Variants in TENM2 observed in about 807,000 individuals in gnomAD.
TENM2 encodes teneurin-2.
TENM2 carries 52 observed loss-of-function variants against 245.2 expected under a neutral mutation model. The observed-to-expected ratio is 0.21, with a 90% CI of 0.17 to 0.27. The LOEUF (loss-of-function observed/expected upper bound fraction) is 0.27, where lower values mean the gene tolerates loss of function less well. TENM2 is among the 10% of genes least tolerant of loss of function. TENM2 has a pLI of 1.00. For synonymous variants in TENM2, 1,363 were observed against 1,438.9 expected (o/e 0.95, Z 1.19); for missense variants, 3,046 against 3,666.8 (o/e 0.83, Z 4.37).
At chr5:167,424,924 A>G (rs138523356) in intron 2 of TENM2, among the ~76,000 whole-genome samples, 9 of 152,300 alleles carry the variant, frequency 5.9e-5, no homozygotes, top group Middle Eastern at 3.4e-3. Flanking sequence ...AGCAAAAATC[A>G]TGCATCCATA....
At chr5:167,884,003 A>G (rs1774086466) in intron 3 of TENM2, among the ~76,000 whole-genome samples, 1 of 152,186 alleles carries the variant, frequency 6.6e-6, no homozygotes, top group Admixed American at 6.5e-5. Context: ...TCCATACTAC[A>G]TGCTTTCAAA....
chr5:167,789,982 C>T (rs1583016492), intron 2 of TENM2, among the ~76,000 whole-genome samples: 1 of 152,252 alleles, frequency 6.6e-6, no homozygotes, highest in East Asian at 1.9e-4. Flanking sequence ...GGACTAGATC[C>T]CATTAGAGTT....
intron 2 of TENM2, among the ~76,000 whole-genome samples, chr5:167,533,707 A>T (rs1453751425): frequency 6.6e-6 from 1 of 151,946 alleles, no homozygotes; most frequent in Non-Finnish European, 1.5e-5. Flanking sequence ...AAATCCTACC[A>T]CTTCAGCCTC....
chr5:167,828,869 G>A lies in TENM2; in HGVS notation c.503-47117G>A, dbSNP rs201772673. On this transcript the variant is annotated intron_variant, in intron 2 of 28. Coordinates refer to ENST00000518659, the Ensembl canonical transcript of TENM2. Reference sequence around the variant, plus strand: ...ACTTCTATTTGACAAATAAGAAATAGGAGAACATGAGAGGAAGAACCACAG... The same window carrying A: ...ACTTCTATTTGACAAATAAGAAATAAGAGAACATGAGAGGAAGAACCACAG... Among the ~76,000 whole-genome samples, 7 of 152,298 alleles carry A rather than the reference G, an allele frequency of 4.6e-5. No individual in the cohort carries two copies. The East Asian group carries it at 9.6e-4, about 21-fold the overall frequency.
intron 2 of TENM2, among the ~76,000 whole-genome samples, chr5:167,519,717 T>G (rs1332942517): frequency 6.6e-6 from 1 of 152,160 alleles, no homozygotes; most frequent in African/African-American, 2.4e-5. Flanking sequence ...TGTAACCACT[T>G]TGGCTAGATG....
At chr5:167,105,244 G>A in the TENM2 span, among the ~76,000 whole-genome samples, 4 of 152,142 alleles carry the variant, frequency 2.6e-5, no homozygotes, top group Admixed American at 2.6e-4. Context: ...AGTGTTGGTT[G>A]TATTCTCAAA....
At chr5:167,417,582 T>G (rs1316903475) in intron 2 of TENM2, among the ~76,000 whole-genome samples, 1 of 152,162 alleles carries the variant, frequency 6.6e-6, no homozygotes, top group East Asian at 1.9e-4. Context: ...ATTTATAAAT[T>G]TTTGTGCCAG....
intron 2 of TENM2, among the ~76,000 whole-genome samples, chr5:167,709,037 A>G (rs944242776): frequency 3.3e-5 from 5 of 152,204 alleles, no homozygotes; most frequent in African/African-American, 1.2e-4. Context: ...TATCCAATAC[A>G]GTCCTACCTC....
chr5:167,741,680 C>T lies in TENM2; in HGVS notation c.503-134306C>T, dbSNP rs151322534. Among the ~76,000 whole-genome samples the T allele has an allele frequency of 6.1e-3, 922 of 152,272 alleles. 7 individuals carry two copies. The highest frequency in any genetic ancestry group is 0.021 in the African/African-American group (874 of 41,544). On this transcript the variant is annotated intron_variant, in intron 2 of 28. Coordinates refer to ENST00000518659, the Ensembl canonical transcript of TENM2. ...AAAATCATTGTTACTTCTGGTTCAG[C>T]GACTCAGTCTACCTTCTCACTTGCC...
At chr5:167,321,825 T>G (rs998155752) in intron 1 of TENM2, among the ~76,000 whole-genome samples, 250 of 13,130 alleles carry the variant, frequency 0.019, no homozygotes, top group Non-Finnish European at 0.024. Context: ...GGGGGGGGGG[T>G]GGATGGAGTC....
At chr5:167,545,752 T>A (rs1177878262) in intron 2 of TENM2, among the ~76,000 whole-genome samples, 5 of 152,204 alleles carry the variant, frequency 3.3e-5, no homozygotes, top group African/African-American at 1.2e-4. Flanking sequence ...AAGACTGCAT[T>A]TTATCTTCCT....
intron 2 of TENM2, among the ~76,000 whole-genome samples, chr5:167,806,681 C>G (rs549743314): frequency 2.6e-5 from 4 of 152,136 alleles, no homozygotes; most frequent in African/African-American, 9.6e-5. Flanking sequence ...TTTGGGGTCC[C>G]TAAGATCACT....
exon 2 of TENM2, chr5:167,375,301 C>T (rs1271551350): frequency 5.2e-6 from 8 of 1,551,740 alleles, no homozygotes; most frequent in African/African-American, 1.4e-5. Flanking sequence ...ACTCCCTTAG[C>T]ACAGGGTCTG....
chr5:167,941,344 C>T (rs548390315), intron 3 of TENM2, among the ~76,000 whole-genome samples: 1 of 152,146 alleles, frequency 6.6e-6, no homozygotes, highest in African/African-American at 2.4e-5. Flanking sequence ...AGGACAAAAG[C>T]TGCTATAAGG....
At chr5:167,570,598 A>G (rs535698443) in intron 2 of TENM2, among the ~76,000 whole-genome samples, 2 of 151,622 alleles carry the variant, frequency 1.3e-5, no homozygotes, top group Non-Finnish European at 2.9e-5. Flanking sequence ...AGAAGGGGAA[A>G]GGCGGTGTTA....
At chr5:168,143,327 A>G (rs968058091) in intron 12 of TENM2, among the ~76,000 whole-genome samples, 2 of 152,130 alleles carry the variant, frequency 1.3e-5, no homozygotes, top group Non-Finnish European at 2.9e-5. Flanking sequence ...TATACTCTCA[A>G]ACAATACTTT....
At chr5:168,161,447 G>C (rs1757732622) in intron 12 of TENM2, among the ~76,000 whole-genome samples, 2 of 152,270 alleles carry the variant, frequency 1.3e-5, no homozygotes, top group South Asian at 2.1e-4. Context: ...AAATTTACTA[G>C]AAGTCATCGC....
At chr5:167,846,403 C>T (rs1770043467) in intron 2 of TENM2, among the ~76,000 whole-genome samples, 1 of 152,172 alleles carries the variant, frequency 6.6e-6, no homozygotes, top group African/African-American at 2.4e-5. Context: ...GCCTGAATGG[C>T]AAGTCATTTC....
chr5:167,180,360 C>T, the TENM2 span, among the ~76,000 whole-genome samples: 3 of 152,090 alleles, frequency 2.0e-5, no homozygotes. Flanking sequence ...CTGCCCGCCT[C>T]AGCCTCCCAA....
Sources: gnomAD v4.1 joint callset for allele counts (sites outside exome capture counted in the v4.1 genomes callset) on GRCh38, gnomAD v4.1.1 for gene constraint, MANE v1.5 for transcripts, NCBI Gene and HGNC (gene_info 2026-07-23, HGNC 2026-07-21) for gene names.